Variants in CAPZB observed in about 807,000 individuals in gnomAD.
CAPZB encodes capping actin protein of muscle Z-line subunit beta.
Under a neutral mutation model 38.1 loss-of-function variants are expected in CAPZB, and 2 were observed. The observed-to-expected ratio is 0.05, with a 90% confidence interval of 0.02 to 0.17. The LOEUF is 0.17. Ranked by LOEUF, CAPZB falls within the 10% of genes least tolerant of loss-of-function variation. The pLI is 1.00. For synonymous variants in CAPZB, 107 were observed against 127.4 expected (o/e 0.84, Z 1.08); for missense variants, 161 against 334.2 (o/e 0.48, Z 4.04).
At position 19,357,149 on chromosome 1, in the gene CAPZB, G is replaced by A. The variant is rs1459707969; in HGVS notation, c.471+273C>T. 6.6e-6 allele frequency among the ~76,000 whole-genome samples: 1 copy of A among 152,152 alleles called. No individual in the cohort carries two copies. The highest frequency in any genetic ancestry group is 1.5e-5 in the Non-Finnish European group (1 of 68,036). On this transcript the variant is annotated intron_variant, in intron 5 of 8. Transcript: ENST00000264202. The surrounding 1 kb of genome is among the most constrained non-coding windows in gnomAD (Gnocchi z 4.3). ...CAAACTGCTGGGATTACAGGCCCGA[G>A]CCACCGTACCTGGCCTCACAATATT... is the stretch of plus-strand genomic sequence containing the variant.
rs546040288 is a variant in CAPZB, at chr1:19,480,091, C to G, written c.3+5345G>C. The stretch of plus-strand genomic sequence containing the variant: ...TGCAAGCCAGGCCTGCAGGGATGGG[C>G]AGACCACAGCACCCATGGGTCCCTG... On this transcript the variant is annotated intron_variant, in intron 1 of 8. Transcript: ENST00000264202. 2.0e-5 allele frequency among the ~76,000 whole-genome samples: 3 copies of G among 152,276 alleles called. No individual in the cohort carries two copies. The East Asian group carries it at 5.8e-4, about 29-fold the overall frequency.
chr1:19,396,048 G>A (rs995952432), intron 2 of CAPZB, among the ~76,000 whole-genome samples: 2 of 152,210 alleles, frequency 1.3e-5, no homozygotes, highest in South Asian at 2.1e-4. Context: ...GGTCTGATTC[G>A]GCCACGCCTG....
At chr1:19,471,050 T>C (rs528782223) in intron 1 of CAPZB, among the ~76,000 whole-genome samples, 1 of 152,292 alleles carries the variant, frequency 6.6e-6, no homozygotes, top group Admixed American at 6.5e-5. Context: ...CCAAACCCTA[T>C]ATATACTGTT....
chr1:19,399,842 C>T (rs1435716090), intron 2 of CAPZB, among the ~76,000 whole-genome samples: 2 of 152,130 alleles, frequency 1.3e-5, no homozygotes, highest in Non-Finnish European at 2.9e-5. Context: ...TTTCATAGTT[C>T]AAGACTTGAG....
rs1314728546 is a variant in CAPZB, at chr1:19,356,360, A to T, written c.588+275T>A. ...CTCACAGCACAACATGAGCTGAAGC[A>T]TGGGGATGTGCGGGGCCCTGAGGGG... On this transcript the variant is annotated intron_variant, in intron 6 of 8. Transcript: ENST00000264202. This position sits in a 1 kb window ranked among gnomAD's most constrained non-coding sequence, Gnocchi z 4.3. 6.6e-6 allele frequency among the ~76,000 whole-genome samples: 1 copy of T among 152,120 alleles called. No individual in the cohort carries two copies.
At position 19,386,479 on chromosome 1, in the gene CAPZB, G is replaced by A. The variant is rs368978381; in HGVS notation, c.94-853C>T. Among the ~76,000 whole-genome samples the A allele has an allele frequency of 3.3e-5, 5 of 152,300 alleles. No individual in the cohort carries two copies. The East Asian group carries it at 9.6e-4, about 29-fold the overall frequency. ...ATTTGTTTCATGGGCCTGGGTTTATGGGGGCTCCACCATATCGTTTACCAG... is the reference window on the plus strand; with the variant it reads ...ATTTGTTTCATGGGCCTGGGTTTATAGGGGCTCCACCATATCGTTTACCAG... On this transcript the variant is annotated intron_variant, in intron 2 of 8. Coordinates refer to ENST00000264202, the MANE Select transcript of CAPZB (RefSeq NM_004930.5).
At position 19,356,624 on chromosome 1, in the gene CAPZB, G is replaced by A. The variant is rs1419956837; in HGVS notation, c.588+11C>T. Reference sequence around the variant, plus strand: ...GGGCACTGGCAAGTGGCTATGAGCGGGTAACTCTACCTGTCTGGTAAGGCT... The same window carrying A: ...GGGCACTGGCAAGTGGCTATGAGCGAGTAACTCTACCTGTCTGGTAAGGCT... On this transcript the variant is annotated intron_variant, in intron 6 of 8. Coordinates refer to ENST00000264202, the MANE Select transcript of CAPZB (RefSeq NM_004930.5). The surrounding 1 kb of genome is among the most constrained non-coding windows in gnomAD (Gnocchi z 4.3). 6.3e-7 allele frequency: 1 copy of A among 1,592,346 alleles called. No individual in the cohort carries two copies. The highest frequency in any genetic ancestry group is 2.2e-5 in the East Asian group (1 of 44,776).
At position 19,484,097 on chromosome 1, in the gene CAPZB, C is replaced by T. The variant is rs572781385; in HGVS notation, c.3+1339G>A. The T allele has an allele frequency of 2.3e-5, 32 of 1,371,906 alleles. No homozygotes were observed. In the South Asian group the frequency reaches 3.9e-4, roughly 17 times the overall value. The allele number at this position is 1,371,906 out of a possible 1,614,324, so 85.0% of individuals were successfully genotyped here. ...TATCTGTGGGGGCCTATGTGAAACC[C>T]CAGGTTCCTCAAAAGTCTGGATAGC... On this transcript the variant is annotated intron_variant, in intron 1 of 8. Coordinates refer to ENST00000264202, the MANE Select transcript of CAPZB (RefSeq NM_004930.5).
intron 6 of CAPZB, among the ~76,000 whole-genome samples, chr1:19,352,231 A>G (rs2093995430): frequency 6.6e-6 from 1 of 152,226 alleles, no homozygotes; most frequent in East Asian, 1.9e-4. Context: ...CTGCTAGGAT[A>G]CACAGGCAAG....
chr1:19,371,410 G>A (rs1459803845), intron 4 of CAPZB, among the ~76,000 whole-genome samples: 1 of 152,248 alleles, frequency 6.6e-6, no homozygotes, highest in Non-Finnish European at 1.5e-5. Context: ...GGTGCTGGCT[G>A]GACGCAAGGC....
At chr1:19,446,622 C>T (rs547339177) in intron 1 of CAPZB, among the ~76,000 whole-genome samples, 18 of 103,520 alleles carry the variant, frequency 1.7e-4, no homozygotes, top group African/African-American at 4.4e-4. Flanking sequence ...CACTGCTCCA[C>T]GGCAAAAAAA....
intron 1 of CAPZB, among the ~76,000 whole-genome samples, chr1:19,443,342 G>C (rs1369426965): frequency 6.6e-6 from 1 of 152,150 alleles, no homozygotes; most frequent in Non-Finnish European, 1.5e-5. Context: ...GCTTCAGTGA[G>C]CTATGATCAC....
intron 2 of CAPZB, among the ~76,000 whole-genome samples, chr1:19,418,711 A>G (rs2094390365): frequency 1.3e-5 from 2 of 152,230 alleles, no homozygotes; most frequent in Admixed American, 1.3e-4. Flanking sequence ...TGCTGTATAA[A>G]GTTTTCTGTG....
At chr1:19,436,001 C>G (rs948426349) in intron 1 of CAPZB, among the ~76,000 whole-genome samples, 3 of 152,176 alleles carry the variant, frequency 2.0e-5, no homozygotes, top group Non-Finnish European at 4.4e-5. Flanking sequence ...CCACCGGGTC[C>G]CAGCTGTGTG....
intron 1 of CAPZB, among the ~76,000 whole-genome samples, chr1:19,459,836 G>A (rs2094544935): frequency 6.6e-6 from 1 of 152,100 alleles, no homozygotes; most frequent in South Asian, 2.1e-4. Flanking sequence ...CGCCCCAGAC[G>A]TAAATCATCC....
chr1:19,360,201 G>A (rs1462273715), intron 4 of CAPZB, among the ~76,000 whole-genome samples: 2 of 152,172 alleles, frequency 1.3e-5, no homozygotes, highest in African/African-American at 2.4e-5. Flanking sequence ...TACTACCAAC[G>A]GAAGAGCAAC....
At chr1:19,371,564 A>C (rs1199706461) in intron 4 of CAPZB, among the ~76,000 whole-genome samples, 1 of 152,102 alleles carries the variant, frequency 6.6e-6, no homozygotes, top group Non-Finnish European at 1.5e-5. Context: ...ATCCAGTCCA[A>C]AGCTCTTTAA....
At chr1:19,452,793 C>CTTTTTTTTTTTT in intron 1 of CAPZB, among the ~76,000 whole-genome samples, 1 of 118,432 alleles carries the variant, frequency 8.4e-6, no homozygotes, top group Non-Finnish European at 1.7e-5. Context: ...TAATTTCTTT[C>CTTTTTTTTTTTT]TTTTTTTTTT....
At chr1:19,449,036 C>T (rs2094505910) in intron 1 of CAPZB, 1 of 1,503,828 alleles carries the variant, frequency 6.6e-7, no homozygotes, top group African/African-American at 1.4e-5. Flanking sequence ...CCGCTCCTGA[C>T]TTCTCCCATC....
Sources: allele counts gnomAD v4.1 joint callset (sites outside exome capture counted in the v4.1 genomes callset), GRCh38; gene constraint gnomAD v4.1.1; non-coding constraint Gnocchi (gnomAD v3.1); transcripts MANE v1.5; gene names NCBI Gene and HGNC (gene_info 2026-07-23, HGNC 2026-07-21).